Variants in CACNA1D observed in about 807,000 individuals in gnomAD.
The protein encoded by CACNA1D is calcium voltage-gated channel subunit alpha1 D.
In CACNA1D, 55 loss-of-function variants were observed where a neutral mutation model predicts 257.1. The ratio of observed to expected loss-of-function variants is 0.21; its 90% CI spans 0.17 to 0.27. The LOEUF is 0.27. Ranked by LOEUF, CACNA1D falls within the 10% of genes least tolerant of loss-of-function variation. CACNA1D has a pLI of 1.00. For missense variants in CACNA1D, 1,876 were observed against 2,784.0 expected, an observed-to-expected ratio of 0.67 and a Z score of 7.34; for synonymous variants, 980 against 1,014.9, an observed-to-expected ratio of 0.97 and a Z score of 0.65.
chr3:53,710,271 G>A, intron 9 of CACNA1D: 1 of 410,172 alleles, frequency 2.4e-6, no homozygotes, highest in South Asian at 1.8e-5. Context: ...AGGGGTCTGG[G>A]GCAGGCGGGC....
intron 45 of CACNA1D, among the ~76,000 whole-genome samples, chr3:53,805,508 C>T (rs1054042375): frequency 9.2e-5 from 14 of 152,156 alleles, no homozygotes; most frequent in Non-Finnish European, 1.9e-4. Context: ...CTGTTGTCAG[C>T]CCTGCTGCAC....
intron 45 of CACNA1D, among the ~76,000 whole-genome samples, chr3:53,805,667 T>G (rs1399237168): frequency 6.6e-6 from 1 of 151,920 alleles, no homozygotes; most frequent in Non-Finnish European, 1.5e-5. Context: ...CCTCCAAGCC[T>G]TATCCTCCTC....
At chr3:53,756,019 C>G (rs933012186) in intron 29 of CACNA1D, among the ~76,000 whole-genome samples, 2 of 152,160 alleles carry the variant, frequency 1.3e-5, no homozygotes, top group Non-Finnish European at 2.9e-5. Flanking sequence ...ATGGGAGGAG[C>G]TTTGTAAAAG....
chr3:53,746,525 G>A (rs2095170773), intron 25 of CACNA1D, among the ~76,000 whole-genome samples: 1 of 152,142 alleles, frequency 6.6e-6, no homozygotes. Flanking sequence ...CTCCCCACCC[G>A]CGAGAGACAT....
intron 7 of CACNA1D, among the ~76,000 whole-genome samples, chr3:53,668,040 C>G (rs1215766453): frequency 6.6e-6 from 1 of 152,158 alleles, no homozygotes; most frequent in Non-Finnish European, 1.5e-5. Flanking sequence ...GTTGAGATCT[C>G]AATTCCAGTC....
chr3:53,718,125 C>T (rs954594784), intron 9 of CACNA1D, among the ~76,000 whole-genome samples, 176 bp from the exon 10 acceptor site: 1 of 152,192 alleles, frequency 6.6e-6, no homozygotes, highest in Non-Finnish European at 1.5e-5. Context: ...GACTCGCCTG[C>T]AGTGGAGATG....
intron 3 of CACNA1D, among the ~76,000 whole-genome samples, chr3:53,541,509 G>A (rs1424663150): frequency 1.3e-5 from 2 of 152,162 alleles, no homozygotes; most frequent in Non-Finnish European, 2.9e-5. Context: ...GCGCGGAGAA[G>A]CCTGTTCTAG....
At chr3:53,578,996 G>T (rs2093085631) in intron 3 of CACNA1D, among the ~76,000 whole-genome samples, 1 of 152,202 alleles carries the variant, frequency 6.6e-6, no homozygotes, top group African/African-American at 2.4e-5. Flanking sequence ...GTATGCTGGG[G>T]ATGGAGGGAA....
intron 3 of CACNA1D, among the ~76,000 whole-genome samples, chr3:53,609,482 T>A (rs774947182): frequency 6.6e-6 from 1 of 152,038 alleles, no homozygotes; most frequent in Non-Finnish European, 1.5e-5. Context: ...TCTGTTTCTC[T>A]TCATCTGAGC....
intron 3 of CACNA1D, among the ~76,000 whole-genome samples, chr3:53,536,025 G>A (rs1357485919): frequency 3.3e-5 from 5 of 152,112 alleles, no homozygotes; most frequent in African/African-American, 7.2e-5. Context: ...CTGAAGGCCT[G>A]GGTGGCTCTT....
chr3:53,614,686 G>A (rs1260240129), intron 3 of CACNA1D, among the ~76,000 whole-genome samples: 2 of 152,220 alleles, frequency 1.3e-5, no homozygotes, highest in African/African-American at 4.8e-5. Context: ...GAGGTAATCA[G>A]TGTATAACTG....
chr3:53,518,840 A>G (rs2091446658), intron 3 of CACNA1D, among the ~76,000 whole-genome samples: 1 of 152,230 alleles, frequency 6.6e-6, no homozygotes, highest in Non-Finnish European at 1.5e-5. Flanking sequence ...TATCAGAATT[A>G]CGTGTCCAGC....
intron 3 of CACNA1D, among the ~76,000 whole-genome samples, chr3:53,539,054 C>A (rs67016154): frequency 0.031 from 4,667 of 152,132 alleles, 127 homozygotes; most frequent in Non-Finnish European, 0.044. Flanking sequence ...AGCAGTATCA[C>A]TTGGTTTTGT....
rs148612047 is a variant in CACNA1D, at chr3:53,732,548, C to T, written c.2474-267C>T. On this transcript the variant is annotated intron_variant, in intron 18 of 47. Transcript: ENST00000350061. ...GCAGTGAGAATCTCAGCACTGCCAC[C>T]TTTCATCTGTGGTCAGATCTTACGC... 2.1e-4 allele frequency among the ~76,000 whole-genome samples: 32 copies of T among 152,208 alleles called. No individual in the cohort carries two copies. In the East Asian group the frequency reaches 4.6e-3, roughly 22 times the overall value.
intron 9 of CACNA1D, among the ~76,000 whole-genome samples, chr3:53,703,598 G>A (rs1361550474): frequency 6.6e-6 from 1 of 152,234 alleles, no homozygotes; most frequent in Non-Finnish European, 1.5e-5. Context: ...TGAGATGTCT[G>A]TGACTTGCTT....
At chr3:53,766,414 C>A (rs2095332422) in intron 30 of CACNA1D, among the ~76,000 whole-genome samples, 3 of 152,246 alleles carry the variant, frequency 2.0e-5, no homozygotes, top group Admixed American at 6.5e-5. Context: ...AGACTGGCTT[C>A]TCCGCAATGC....
In CACNA1D at chr3:53,801,313, G is replaced by A. The variant is rs199874790; in HGVS notation, c.5296G>A (p.Ala1766Thr). Residue 1766 changes from alanine to threonine, a missense_variant, in exon 42 of 48, where the codon GCT becomes ACT. Around this residue, in one of 10 missense-constraint regions of CACNA1D, gnomAD observed 491 missense variants for 554.3 expected, o/e 0.89. Transcript: ENST00000350061. ...TCTCAATAATGCCAATATGTCCAAA[G>A]CTGCCCATGGAAAGCGGCCCAGCAT... ...ANLNNANMSK[A>T]AHGKRPSIGN... 3.1e-6 allele frequency: 5 copies of A among 1,614,024 alleles called. No homozygotes were observed. The highest frequency in any genetic ancestry group is 3.4e-6 in the Non-Finnish European group (4 of 1,180,040).
chr3:53,669,563 TCAGTCAG>T, intron 7 of CACNA1D, among the ~76,000 whole-genome samples: 1 of 152,330 alleles, frequency 6.6e-6, no homozygotes, highest in East Asian at 1.9e-4. Context: ...AAGTTTATAT[TCAGTCAG>T]CGTTCTCAAG....
chr3:53,692,108 A>G (rs2094534572), intron 8 of CACNA1D, among the ~76,000 whole-genome samples: 2 of 150,280 alleles, frequency 1.3e-5, no homozygotes, highest in South Asian at 4.2e-4. Flanking sequence ...TGTTTGTGAA[A>G]GCAATTATTT....
Sources: allele counts gnomAD v4.1 joint callset (sites outside exome capture counted in the v4.1 genomes callset), GRCh38; gene constraint gnomAD v4.1.1; regional missense constraint gnomAD v4.1.1; transcripts MANE v1.5; gene names NCBI Gene and HGNC (gene_info 2026-07-23, HGNC 2026-07-21).